The following CDH13 variants were observed in gnomAD, a reference collection of about 807,000 sequenced individuals.
The protein encoded by CDH13 is cadherin-13.
Under a neutral mutation model 63.8 loss-of-function variants are expected in CDH13, and 24 were observed. That is an observed-to-expected ratio of 0.38 (90% CI 0.27 to 0.53). The LOEUF (loss-of-function observed/expected upper bound fraction) is 0.53. Ranked by LOEUF, CDH13 falls within the 20% of genes least tolerant of loss-of-function variation. The probability of loss-of-function intolerance (pLI) is 0.85; values close to 1 mark genes in which losing one functional copy is unlikely to be tolerated. For missense variants in CDH13, 1,049 were observed against 903.1 expected, an observed-to-expected ratio of 1.16 and a Z score of -2.07; for synonymous variants, 503 against 355.3, an observed-to-expected ratio of 1.42 and a Z score of -4.67.
chr16:83,342,344 C>T (rs1222854548), intron 5 of CDH13, among the ~76,000 whole-genome samples: 1 of 152,146 alleles, frequency 6.6e-6, no homozygotes, highest in Non-Finnish European at 1.5e-5. Context: ...GTTATCTTTT[C>T]TGCTAACCAC....
intron 1 of CDH13, among the ~76,000 whole-genome samples, chr16:82,843,642 T>C (rs1038122611): frequency 1.5e-4 from 23 of 152,172 alleles, no homozygotes; most frequent in African/African-American, 5.3e-4. Context: ...AAAAAGTAAA[T>C]TACAAAAAGG....
At chr16:83,476,274 A>T (rs1314886202) in intron 6 of CDH13, among the ~76,000 whole-genome samples, 10 of 152,188 alleles carry the variant, frequency 6.6e-5, no homozygotes, top group African/African-American at 1.9e-4. Context: ...CCCAGTTGTA[A>T]CAACCAAAAG....
chr16:83,602,574 C>G lies in CDH13; in HGVS notation c.1081C>G (p.Pro361Ala). 1 of 1,613,988 alleles carries G rather than the reference C, an allele frequency of 6.2e-7. No homozygotes were observed. The highest frequency in any genetic ancestry group is 8.5e-7 in the Non-Finnish European group (1 of 1,179,870). Residue 361 changes from proline (P) to alanine (A), a missense_variant, in exon 8 of 14, where the codon CCA (proline) becomes GCA (alanine). By Grantham distance (27) the Pro-to-Ala change is conservative. Coordinates refer to ENST00000567109, the MANE Select transcript of CDH13 (RefSeq NM_001257.5). ...IMIDDKNDHSPKFTKKEFQAT... is the reference protein window; with the variant it reads ...IMIDDKNDHSAKFTKKEFQAT... The stretch of plus-strand genomic sequence containing the variant: ...GATCGATGACAAAAATGATCACTCA[C>G]CAAAATTCACCAAGAAAGAGGTAAA...
intron 6 of CDH13, among the ~76,000 whole-genome samples, chr16:83,435,186 G>T (rs2072257390): frequency 6.6e-6 from 1 of 151,628 alleles, no homozygotes; most frequent in Admixed American, 6.6e-5. Flanking sequence ...AGCTGGGATT[G>T]CAGGAGCCTG....
chr16:82,776,494 C>A (rs1392846983), intron 1 of CDH13, among the ~76,000 whole-genome samples: 1 of 152,216 alleles, frequency 6.6e-6, no homozygotes, highest in East Asian at 1.9e-4. Flanking sequence ...AAATGGGACA[C>A]AAAGGGAGCA....
chr16:82,794,879 CTCACTG>C (rs2036506517), intron 1 of CDH13, among the ~76,000 whole-genome samples: 1 of 152,150 alleles, frequency 6.6e-6, no homozygotes. Flanking sequence ...TTTTACCTCC[CTCACTG>C]GCACAAAAGC....
In CDH13 at chr16:82,771,374, G is replaced by A. The variant is rs1481129120; in HGVS notation, c.46-86988G>A. Among the ~76,000 whole-genome samples the A allele has an allele frequency of 3.3e-5, 5 of 152,170 alleles. No individual in the cohort carries two copies. The East Asian group carries it at 7.7e-4, about 23-fold the overall frequency. On this transcript the variant is annotated intron_variant, in intron 1 of 13. Coordinates refer to ENST00000567109, the MANE Select transcript of CDH13 (RefSeq NM_001257.5). ...AGTTTGGGATTGTCTGCTTAGAAAG[G>A]ATATATTAAATTGGTACCATTGGAC...
chr16:82,907,623 A>G (rs1002630944), intron 2 of CDH13, among the ~76,000 whole-genome samples: 1 of 152,210 alleles, frequency 6.6e-6, no homozygotes, highest in African/African-American at 2.4e-5. Context: ...ATTCATGGTG[A>G]GGCCAAAGCC....
rs1437861682 is a variant in CDH13, at chr16:83,335,681, TTA to T, written c.637-9179_637-9178del. The stretch of plus-strand genomic sequence containing the variant: ...AAAGATTGACCCCTGACCTAATCCG[TTA>T]TGTTATCTATAGGTTACAGAAATTG... On this transcript the variant is annotated intron_variant, in intron 5 of 13. Transcript: ENST00000567109. 5.3e-5 allele frequency among the ~76,000 whole-genome samples: 8 copies of T among 152,154 alleles called. No individual in the cohort carries two copies. In the East Asian group the frequency reaches 1.5e-3, roughly 29 times the overall value.
At chr16:82,719,822 G>A (rs529881163) in intron 1 of CDH13, among the ~76,000 whole-genome samples, 47 of 143,906 alleles carry the variant, frequency 3.3e-4, no homozygotes, top group African/African-American at 1.2e-3. Context: ...CTCCAGCCTG[G>A]GCAACAGAGA....
At chr16:83,460,872 C>A (rs1489765190) in intron 6 of CDH13, among the ~76,000 whole-genome samples, 2 of 149,908 alleles carry the variant, frequency 1.3e-5, no homozygotes, top group Non-Finnish European at 3.0e-5. Flanking sequence ...GGCATGGCGG[C>A]CCATGCCTAT....
chr16:83,085,143 G>T (rs928353628), intron 3 of CDH13, among the ~76,000 whole-genome samples: 3 of 151,846 alleles, frequency 2.0e-5, no homozygotes, highest in Non-Finnish European at 4.4e-5. Flanking sequence ...TGGACTTACA[G>T]TTCCACATGG....
intron 6 of CDH13, among the ~76,000 whole-genome samples, chr16:83,404,173 T>C (rs1356458093): frequency 1.3e-5 from 2 of 152,022 alleles, no homozygotes; most frequent in Non-Finnish European, 2.9e-5. Flanking sequence ...AAATACAAAA[T>C]GAGATAATCC....
intron 2 of CDH13, among the ~76,000 whole-genome samples, chr16:82,963,230 A>AC (rs1907295068): frequency 6.7e-6 from 1 of 150,078 alleles, no homozygotes; most frequent in South Asian, 2.1e-4. Flanking sequence ...AAAAAAAAAA[A>AC]TTGCCAGGTG....
intron 1 of CDH13, chr16:82,639,252 G>A: frequency 1.7e-6 from 1 of 586,788 alleles, no homozygotes; most frequent in Non-Finnish European, 2.8e-6. Context: ...CTCTCAAAGT[G>A]GGTCTGGGCC....
chr16:82,873,250 A>G (rs947842093), intron 2 of CDH13, among the ~76,000 whole-genome samples: 1 of 152,196 alleles, frequency 6.6e-6, no homozygotes, highest in Non-Finnish European at 1.5e-5. Context: ...GAGGGCTGTC[A>G]TTTGATACAT....
chr16:83,011,113 G>A (rs1392727902), intron 2 of CDH13, among the ~76,000 whole-genome samples: 1 of 152,180 alleles, frequency 6.6e-6, no homozygotes, highest in Admixed American at 6.5e-5. Context: ...TTGGGGCTCA[G>A]TTTACTGAGT....
chr16:82,802,711 C>A (rs1350923033), intron 1 of CDH13, among the ~76,000 whole-genome samples: 1 of 152,118 alleles, frequency 6.6e-6, no homozygotes, highest in African/African-American at 2.4e-5. Context: ...ATTAATATAA[C>A]TTTAAAGGTG....
In CDH13 at chr16:83,602,595, G is replaced by GT; in HGVS notation, c.1101+2dup. The GT allele has an allele frequency of 6.2e-7, 1 of 1,613,852 alleles. No individual in the cohort carries two copies. Among genetic ancestry groups the GT allele is most frequent in the Non-Finnish European group, 8.5e-7 (1 of 1,179,808 alleles). On this transcript the variant is annotated splice_donor_variant, in intron 8 of 13. Coordinates refer to ENST00000567109, the MANE Select transcript of CDH13 (RefSeq NM_001257.5). LOFTEE classifies it high-confidence loss of function. ...CTCACCAAAATTCACCAAGAAAGAG[G>GT]TAAACCCCTGTGCCAAACACCAACC...
Sources: gnomAD v4.1 joint callset for allele counts (sites outside exome capture counted in the v4.1 genomes callset) on GRCh38, gnomAD v4.1.1 for gene constraint, MANE v1.5 for transcripts, NCBI Gene and HGNC (gene_info 2026-07-23, HGNC 2026-07-21) for gene names.